Variants in PRKCE observed in about 807,000 individuals in gnomAD.
PRKCE encodes protein kinase C epsilon.
A neutral mutation model predicts 85.4 loss-of-function variants in PRKCE; 16 were observed. That is an observed-to-expected ratio of 0.19 (90% confidence interval 0.13 to 0.28). PRKCE has a LOEUF of 0.28. Ranked by LOEUF, PRKCE falls within the 10% of genes least tolerant of loss-of-function variation. The probability of loss-of-function intolerance (pLI) is 1.00; values close to 1 mark genes in which losing one functional copy is unlikely to be tolerated. For synonymous variants in PRKCE, 388 were observed against 371.5 expected (o/e 1.04, Z -0.51); for missense variants, 573 against 975.2 (o/e 0.59, Z 5.49).
chr2:45,798,838 A>C (rs1022669731), intron 1 of PRKCE, among the ~76,000 whole-genome samples: 1 of 150,856 alleles, frequency 6.6e-6, no homozygotes, highest in Non-Finnish European at 1.5e-5. Flanking sequence ...ATTTCTTATT[A>C]TTATGGGCAC....
At chr2:45,730,308 A>G (rs1447920945) in intron 1 of PRKCE, among the ~76,000 whole-genome samples, 4 of 152,026 alleles carry the variant, frequency 2.6e-5, no homozygotes, top group Non-Finnish European at 5.9e-5. Flanking sequence ...GTGGGCCACC[A>G]TACCCAGCTA....
At chr2:45,791,022 G>A (rs972045864) in intron 1 of PRKCE, among the ~76,000 whole-genome samples, 7 of 152,212 alleles carry the variant, frequency 4.6e-5, no homozygotes, top group Non-Finnish European at 5.9e-5. Context: ...GAGCAGGCAT[G>A]TGTTCCAGCC....
chr2:46,030,333 A>C (rs1707428447), intron 10 of PRKCE, among the ~76,000 whole-genome samples: 1 of 152,166 alleles, frequency 6.6e-6, no homozygotes, highest in South Asian at 2.1e-4. Context: ...CAGGTCCTTT[A>C]AACCCACATG....
intron 10 of PRKCE, among the ~76,000 whole-genome samples, chr2:46,038,666 C>T (rs1025296330): frequency 2.1e-4 from 30 of 145,158 alleles, no homozygotes; most frequent in African/African-American, 8.3e-4. Flanking sequence ...CACACACACA[C>T]ACACACACAC....
intron 10 of PRKCE, among the ~76,000 whole-genome samples, chr2:46,012,651 C>T (rs189215246): frequency 1.3e-5 from 2 of 152,276 alleles, no homozygotes; most frequent in East Asian, 1.9e-4. Flanking sequence ...AGGAGGGGTC[C>T]AGTTTAGTTG....
Position 45,895,803 on chromosome 2 carries a change from G to A in PRKCE, c.412+52740G>A, listed in dbSNP as rs191695805. The stretch of plus-strand genomic sequence containing the variant: ...CTCAGTGAGGCAGGAATCTACGCAG[G>A]TGCGCAGGTGTAGAGGAAGTGCTGT... On this transcript the variant is annotated intron_variant, in intron 2 of 14. Transcript: ENST00000306156. This position sits in a 1 kb window ranked among gnomAD's most constrained non-coding sequence, Gnocchi z 4.8. Among the ~76,000 whole-genome samples the A allele has an allele frequency of 1.6e-3, 249 of 152,288 alleles. No homozygotes were observed. The highest frequency in any genetic ancestry group is 2.9e-3 in the Non-Finnish European group (196 of 68,010).
At chr2:45,725,860 C>G (rs1257662271) in intron 1 of PRKCE, among the ~76,000 whole-genome samples, 1 of 150,772 alleles carries the variant, frequency 6.6e-6, no homozygotes. Context: ...CCACCAACAA[C>G]AAAAAAACCC....
chr2:45,841,157 A>C (rs745958623), intron 1 of PRKCE, among the ~76,000 whole-genome samples: 9 of 152,246 alleles, frequency 5.9e-5, no homozygotes, highest in Non-Finnish European at 1.2e-4. Flanking sequence ...GAGCTGTATT[A>C]GTCAGTGTTC....
At chr2:45,848,820 G>C (rs558105484) in intron 2 of PRKCE, among the ~76,000 whole-genome samples, 15 of 152,198 alleles carry the variant, frequency 9.9e-5, no homozygotes, top group Non-Finnish European at 2.1e-4. Context: ...TGTTTGATTA[G>C]GTGTTACCAA....
intron 11 of PRKCE, among the ~76,000 whole-genome samples, chr2:46,141,279 A>G (rs976653118): frequency 2.0e-5 from 3 of 152,386 alleles, no homozygotes; most frequent in Admixed American, 6.5e-5. Flanking sequence ...TATAGCCACA[A>G]TAAAGAATCA....
chr2:45,928,394 A>G (rs915974757), intron 2 of PRKCE, among the ~76,000 whole-genome samples: 3 of 152,130 alleles, frequency 2.0e-5, no homozygotes, highest in Admixed American at 2.0e-4. Flanking sequence ...CAGCTTCCCG[A>G]GTAGCTGGGA....
intron 1 of PRKCE, among the ~76,000 whole-genome samples, chr2:45,722,016 C>T (rs1680665272): frequency 6.6e-6 from 1 of 151,358 alleles, no homozygotes; most frequent in Admixed American, 6.6e-5. Flanking sequence ...TTAAAGATTC[C>T]AGAGAGTTTC....
intron 1 of PRKCE, among the ~76,000 whole-genome samples, chr2:45,836,620 G>C (rs900998851): frequency 1.3e-5 from 2 of 152,210 alleles, no homozygotes; most frequent in African/African-American, 2.4e-5. Context: ...GCCTCCAGGG[G>C]AGAGGGGGCA....
intron 1 of PRKCE, among the ~76,000 whole-genome samples, chr2:45,787,209 G>C (rs1333297892): frequency 6.6e-6 from 1 of 152,248 alleles, no homozygotes; most frequent in Non-Finnish European, 1.5e-5. Flanking sequence ...GATAGCTGGA[G>C]CTGAGTGCAG....
chr2:45,702,357 A>G (rs981998105), intron 1 of PRKCE, among the ~76,000 whole-genome samples: 3 of 152,190 alleles, frequency 2.0e-5, no homozygotes, highest in Non-Finnish European at 2.9e-5. Context: ...GCAAGCTATT[A>G]GCCTTTCTGC....
At chr2:45,885,188 C>T (rs1278680969) in intron 2 of PRKCE, among the ~76,000 whole-genome samples, 1 of 151,880 alleles carries the variant, frequency 6.6e-6, no homozygotes, top group Non-Finnish European at 1.5e-5. Context: ...ATCTTTTGCA[C>T]TTGGCAGAAT....
At position 45,722,418 on chromosome 2, in the gene PRKCE, A is replaced by G. The variant is rs550233549; in HGVS notation, c.348+69970A>G. Among the ~76,000 whole-genome samples, 99 of 152,282 alleles carry G rather than the reference A, an allele frequency of 6.5e-4. 1 individual carries two copies. Among genetic ancestry groups the G allele is most frequent in the African/African-American group, 2.3e-3 (94 of 41,574 alleles). ...TGAAAGTGACAAAAAAAGCGTTAGT[A>G]TTATTGTAAGACTAATTATGACCTT... On this transcript the variant is annotated intron_variant, in intron 1 of 14. Coordinates refer to ENST00000306156, the MANE Select transcript of PRKCE (RefSeq NM_005400.3).
intron 2 of PRKCE, among the ~76,000 whole-genome samples, chr2:45,935,871 C>T (rs1699410903): frequency 6.6e-6 from 1 of 152,010 alleles, no homozygotes; most frequent in Non-Finnish European, 1.5e-5. Flanking sequence ...TCTGCTGTGT[C>T]TGTGTGCACC....
intron 2 of PRKCE, among the ~76,000 whole-genome samples, chr2:45,936,450 G>T (rs1699464005): frequency 6.6e-6 from 1 of 152,152 alleles, no homozygotes. Flanking sequence ...GTGGCCGTGG[G>T]CCAAGCAAGG....
Sources: gnomAD v4.1 joint callset for allele counts (sites outside exome capture counted in the v4.1 genomes callset) on GRCh38, gnomAD v4.1.1 for gene constraint, Gnocchi (gnomAD v3.1) non-coding constraint, MANE v1.5 for transcripts, NCBI Gene and HGNC (gene_info 2026-07-23, HGNC 2026-07-21) for gene names.